The following DIP2B variants were observed in gnomAD, a reference collection of about 807,000 sequenced individuals.
The protein encoded by DIP2B is disco-interacting protein 2 homolog B.
Under a neutral mutation model 198.0 loss-of-function variants are expected in DIP2B, and 76 were observed. The ratio of observed to expected loss-of-function variants is 0.38; its 90% confidence interval spans 0.32 to 0.46. The LOEUF (loss-of-function observed/expected upper bound fraction) is 0.46, where lower values mean the gene tolerates loss of function less well. Among genes scored for constraint, DIP2B ranks in the 20% least tolerant of loss-of-function variants. The pLI, the probability that DIP2B is intolerant of heterozygous loss-of-function variation, is 0.99. For missense variants in DIP2B, 1,559 were observed against 1,978.4 expected, an observed-to-expected ratio of 0.79 and a Z score of 4.02; for synonymous variants, 701 against 739.1, an observed-to-expected ratio of 0.95 and a Z score of 0.84.
intron 11 of DIP2B, 93 bp downstream of exon 11, chr12:50,686,049 A>T: frequency 7.9e-7 from 1 of 1,267,072 alleles, no homozygotes; most frequent in Non-Finnish European, 1.1e-6. Flanking sequence ...TACTTTACAT[A>T]TATGTTCTAT....
chr12:50,645,244 C>A (rs1241301113), intron 3 of DIP2B, among the ~76,000 whole-genome samples: 1 of 152,126 alleles, frequency 6.6e-6, no homozygotes, highest in African/African-American at 2.4e-5. Flanking sequence ...TTTAAATAGT[C>A]ATGTTCTTTA....
chr12:50,623,437 A>ACACTCT (rs1308369241), intron 1 of DIP2B, among the ~76,000 whole-genome samples: 11 of 57,112 alleles, frequency 1.9e-4, no homozygotes, highest in African/African-American at 7.4e-4. Flanking sequence ...ACACACACAC[A>ACACTCT]CTCTCTCTCT....
intron 3 of DIP2B, among the ~76,000 whole-genome samples, chr12:50,653,999 G>T (rs566521944): frequency 6.6e-6 from 1 of 152,074 alleles, no homozygotes; most frequent in African/African-American, 2.4e-5. Flanking sequence ...TCAGCCTCCT[G>T]AGTAGCTGGG....
At chr12:50,573,791 G>A (rs755760497) in intron 1 of DIP2B, among the ~76,000 whole-genome samples, 5 of 152,182 alleles carry the variant, frequency 3.3e-5, no homozygotes, top group South Asian at 2.1e-4. Context: ...ACAGTGTGAT[G>A]TATGCTGTTG....
At chr12:50,670,939 T>G (rs1938841615) in intron 4 of DIP2B, among the ~76,000 whole-genome samples, 1 of 152,220 alleles carries the variant, frequency 6.6e-6, no homozygotes, top group Non-Finnish European at 1.5e-5. Flanking sequence ...GAATAAAGTT[T>G]AAATGTTTTG....
intron 37 of DIP2B, among the ~76,000 whole-genome samples, chr12:50,742,387 A>C (rs1940260679): frequency 9.5e-6 from 1 of 105,146 alleles, no homozygotes; most frequent in Non-Finnish European, 1.9e-5. Context: ...ACAGACTGAG[A>C]CTGTCTCAAA....
intron 1 of DIP2B, among the ~76,000 whole-genome samples, chr12:50,585,287 T>C (rs559591419): frequency 3.4e-4 from 52 of 152,350 alleles, no homozygotes; most frequent in African/African-American, 1.1e-3. Context: ...AAATAGAGCA[T>C]TGGGCAAGGT....
At position 50,652,945 on chromosome 12, in the gene DIP2B, G is replaced by GTT. The variant is rs34937091; in HGVS notation, c.302-7237_302-7236dup. ...ATTGTTAGTGTATAGAAACACAACT[G>GTT]TTTTTTTTTTTTTAAAGAAACGGGG... is the stretch of plus-strand genomic sequence containing the variant. On this transcript the variant is annotated intron_variant, in intron 3 of 37. Transcript: ENST00000301180. Among the ~76,000 whole-genome samples the GTT allele has an allele frequency of 2.0e-3, 284 of 145,356 alleles. 2 individuals carry two copies. The highest frequency in any genetic ancestry group is 5.3e-3 in the African/African-American group (209 of 39,750).
rs1939325954 is a variant in DIP2B, at chr12:50,697,105, C to A, written c.1978C>A (p.His660Asn). The change falls in exon 17 of 38, where the codon CAT (histidine) becomes AAT (asparagine). Residue 660 changes from histidine (H) to asparagine (N), a missense_variant. By Grantham distance (68) the His-to-Asn change is moderately conservative. Coordinates refer to ENST00000301180, the MANE Select transcript of DIP2B (RefSeq NM_173602.3). Reference sequence around the variant, plus strand: ...TGCCTTCCTGAGTCTGTTCCAAAGTCATGGACTGAAGCCTGAGGCCATCTG... The same window carrying A: ...TGCCTTCCTGAGTCTGTTCCAAAGTAATGGACTGAAGCCTGAGGCCATCTG... ...CDAFLSLFQS[H>N]GLKPEAICPC... 1.2e-6 allele frequency: 2 copies of A among 1,614,112 alleles called. No individual in the cohort carries two copies. The highest frequency in any genetic ancestry group is 1.7e-6 in the Non-Finnish European group (2 of 1,179,986).
At chr12:50,648,099 C>T (rs77894182) in intron 3 of DIP2B, among the ~76,000 whole-genome samples, 71 of 152,080 alleles carry the variant, frequency 4.7e-4, no homozygotes, top group African/African-American at 1.6e-3. Context: ...GATCGATGCT[C>T]CAACACTCCG....
chr12:50,551,312 T>C (rs1315047527), intron 1 of DIP2B, among the ~76,000 whole-genome samples: 1 of 152,018 alleles, frequency 6.6e-6, no homozygotes. Context: ...TAATCCCAGC[T>C]ACTGGCGGGC....
At chr12:50,513,313 A>T (rs1958034744) in intron 1 of DIP2B, among the ~76,000 whole-genome samples, 1 of 152,192 alleles carries the variant, frequency 6.6e-6, no homozygotes, top group African/African-American at 2.4e-5. Flanking sequence ...TTAGTCCAGT[A>T]CATGTTGGGT....
chr12:50,618,672 G>C (rs1274301731), intron 1 of DIP2B, among the ~76,000 whole-genome samples: 1 of 152,166 alleles, frequency 6.6e-6, no homozygotes, highest in Admixed American at 6.5e-5. Context: ...GTGACTGTAG[G>C]CAAATTGCTT....
chr12:50,556,444 G>A lies in DIP2B; in HGVS notation c.100+51204G>A, dbSNP rs146418242. 3.9e-3 allele frequency among the ~76,000 whole-genome samples: 589 copies of A among 152,190 alleles called. 2 individuals are homozygous for A. The highest frequency in any genetic ancestry group is 6.8e-3 in the Middle Eastern group (2 of 294). On this transcript the variant is annotated intron_variant, in intron 1 of 37. Transcript: ENST00000301180. ...ATTCCTTGTAGTGTTTTGCCACTATGAAGACAGGTATTTACTTTTTAAGTA... is the reference window on the plus strand; with the variant it reads ...ATTCCTTGTAGTGTTTTGCCACTATAAAGACAGGTATTTACTTTTTAAGTA...
chr12:50,691,371 A>G (rs938402277), intron 13 of DIP2B, among the ~76,000 whole-genome samples: 2 of 152,192 alleles, frequency 1.3e-5, no homozygotes, highest in African/African-American at 2.4e-5. Context: ...TAATTTCTAG[A>G]GTACAGCAGT....
intron 30 of DIP2B, among the ~76,000 whole-genome samples, chr12:50,730,290 C>T (rs922279855): frequency 3.9e-5 from 6 of 152,156 alleles, no homozygotes; most frequent in African/African-American, 1.4e-4. Flanking sequence ...CTCCATTCAC[C>T]CTGTATGCTA....
At position 50,734,189 on chromosome 12, in the gene DIP2B, C is replaced by T. The variant is rs1265347185; in HGVS notation, c.4036C>T (p.His1346Tyr). Residue 1346 changes from histidine (H) to tyrosine (Y), a missense_variant, in exon 33 of 38, where the codon CAT (histidine) becomes TAT (tyrosine). His to Tyr is a moderately conservative substitution (Grantham distance 83, BLOSUM62 2). Transcript: ENST00000301180. ...GTATGTGGATCTGAAATCACTAAGACATGACAGGTACAACAGATTTATTAA... is the reference window on the plus strand; with the variant it reads ...GTATGTGGATCTGAAATCACTAAGATATGACAGGTACAACAGATTTATTAA... Reference protein sequence around the residue: ...TVYVDLKSLRHDRVRLVERGA... With the variant: ...TVYVDLKSLRYDRVRLVERGA... 2.5e-6 allele frequency: 4 copies of T among 1,614,004 alleles called. No individual in the cohort carries two copies. The highest frequency in any genetic ancestry group is 3.4e-6 in the Non-Finnish European group (4 of 1,180,022).
intron 3 of DIP2B, among the ~76,000 whole-genome samples, chr12:50,657,945 G>A (rs1387748916): frequency 1.3e-5 from 2 of 152,016 alleles, no homozygotes; most frequent in Non-Finnish European, 2.9e-5. Flanking sequence ...TATGGATTGT[G>A]GGTTAGATAA....
At chr12:50,699,269 C>T (rs1939374145) in intron 19 of DIP2B, 67 bp downstream of exon 19, 4 of 1,594,024 alleles carry the variant, frequency 2.5e-6, no homozygotes, top group Admixed American at 1.7e-5. Flanking sequence ...GGGCAGATCC[C>T]CTGGTTGATG....
Sources: allele counts gnomAD v4.1 joint callset (sites outside exome capture counted in the v4.1 genomes callset), GRCh38; gene constraint gnomAD v4.1.1; transcripts MANE v1.5; gene names NCBI Gene and HGNC (gene_info 2026-07-23, HGNC 2026-07-21).